TNS1: variants seen among roughly 807,000 people sequenced by gnomAD.
TNS1 encodes tensin-1.
TNS1 carries 62 observed loss-of-function variants against 168.6 expected under a neutral mutation model. The observed-to-expected ratio is 0.37, with a 90% CI of 0.30 to 0.45. The LOEUF (loss-of-function observed/expected upper bound fraction) is 0.45, where lower values mean the gene tolerates loss of function less well. Ranked by LOEUF, TNS1 falls within the 20% of genes least tolerant of loss-of-function variation. The pLI is 1.00. For synonymous variants in TNS1, 934 were observed against 933.2 expected (o/e 1.00, Z -0.02); for missense variants, 2,240 against 2,339.4 (o/e 0.96, Z 0.88).
At chr2:217,838,351 G>A (rs1945452875) in intron 19 of TNS1, among the ~76,000 whole-genome samples, 1 of 152,248 alleles carries the variant, frequency 6.6e-6, no homozygotes, top group Non-Finnish European at 1.5e-5. Context: ...GCCTGCAGCA[G>A]CTTGGGGTGC....
At chr2:217,970,886 T>C (rs1394590222) in intron 3 of TNS1, among the ~76,000 whole-genome samples, 5 of 151,784 alleles carry the variant, frequency 3.3e-5, no homozygotes, top group Admixed American at 2.6e-4. Flanking sequence ...GTATGTGAAT[T>C]AGTTATACCT....
intron 13 of TNS1, 111 bp from the exon 14 acceptor site, chr2:217,886,215 CG>C: frequency 8.5e-7 from 1 of 1,178,198 alleles, no homozygotes; most frequent in Admixed American, 2.0e-5. Context: ...TGGGGGAAGA[CG>C]GGGTAGGAAG....
At chr2:217,991,326 C>A (rs1320058871) in intron 1 of TNS1, among the ~76,000 whole-genome samples, 1 of 152,068 alleles carries the variant, frequency 6.6e-6, no homozygotes, top group African/African-American at 2.4e-5. Context: ...ATGGCTCCTA[C>A]CTTGGCTTTT....
At position 217,802,456 on chromosome 2, in the gene TNS1, C is replaced by T. The variant is rs534436941; in HGVS notation, c.*2003G>A. 1 of 152,400 alleles carries T rather than the reference C, an allele frequency of 6.6e-6. No individual in the cohort carries two copies. The highest frequency in any genetic ancestry group is 2.1e-4 in the South Asian group (1 of 4,824). 9.4% of individuals were successfully genotyped at this position (152,400 alleles called of 1,614,324 possible). A position where few individuals can be genotyped will look rare whatever the true frequency, so the allele number is the denominator to read the frequency against. Reference sequence around the variant, plus strand: ...TGTGTGCCATACACACCCATGTCCCCGCATGCTCACACACTCGCTCAGGCC... The same window carrying T: ...TGTGTGCCATACACACCCATGTCCCTGCATGCTCACACACTCGCTCAGGCC... On this transcript the variant is annotated 3_prime_UTR_variant, in exon 33 of 33. Coordinates refer to ENST00000682258, the MANE Select transcript of TNS1 (RefSeq NM_001387777.1).
intron 1 of TNS1, among the ~76,000 whole-genome samples, chr2:218,022,497 C>A (rs1958814331): frequency 1.3e-5 from 2 of 152,156 alleles, no homozygotes; most frequent in African/African-American, 4.8e-5. Context: ...CGCACGTACA[C>A]ACATACACAC....
intron 13 of TNS1, 101 bp from the exon 14 acceptor site, chr2:217,886,205 TG>T: frequency 7.8e-7 from 1 of 1,275,488 alleles, no homozygotes; most frequent in Non-Finnish European, 1.1e-6. Flanking sequence ...AAGGAAGAAA[TG>T]GGGGAAGACG....
chr2:217,843,233 A>C (rs2125390188), intron 19 of TNS1, among the ~76,000 whole-genome samples: 1 of 152,146 alleles, frequency 6.6e-6, no homozygotes, highest in African/African-American at 2.4e-5. Flanking sequence ...TTTCATGAAG[A>C]GGTATCTCAC....
At chr2:217,957,070 A>G (rs568917651) in intron 3 of TNS1, among the ~76,000 whole-genome samples, 9 of 152,272 alleles carry the variant, frequency 5.9e-5, no homozygotes, top group African/African-American at 2.2e-4. Context: ...GGGCACGAGG[A>G]GTAGGACCAC....
intron 1 of TNS1, among the ~76,000 whole-genome samples, chr2:218,018,048 G>A (rs1164002648): frequency 6.6e-6 from 1 of 152,174 alleles, no homozygotes; most frequent in Non-Finnish European, 1.5e-5. Flanking sequence ...GTAGAATGGA[G>A]GCATATGAAG....
chr2:217,910,764 C>CACA (rs1954308594), intron 4 of TNS1, among the ~76,000 whole-genome samples: 1 of 124,788 alleles, frequency 8.0e-6, no homozygotes, highest in East Asian at 2.7e-4. Context: ...ACACACACAA[C>CACA]CATCCTTGCA....
intron 18 of TNS1, among the ~76,000 whole-genome samples, chr2:217,868,555 G>A (rs1559270076): frequency 6.6e-6 from 1 of 152,236 alleles, no homozygotes; most frequent in Non-Finnish European, 1.5e-5. Context: ...AGTGGTATTA[G>A]CAAAAGTTAA....
intron 3 of TNS1, among the ~76,000 whole-genome samples, chr2:217,977,280 T>C (rs1199638356): frequency 6.6e-6 from 1 of 152,006 alleles, no homozygotes; most frequent in Non-Finnish European, 1.5e-5. Flanking sequence ...GTACTCTCCA[T>C]CCAGGGGAGG....
chr2:217,949,745 A>AG (rs937943691), intron 3 of TNS1, among the ~76,000 whole-genome samples: 55 of 152,260 alleles, frequency 3.6e-4, no homozygotes, highest in African/African-American at 1.2e-3. Context: ...GGAACAAAAA[A>AG]AAAAGAAAAG....
chr2:217,898,039 C>T (rs1952511326), intron 7 of TNS1, 70 bp from the exon 8 acceptor site: 5 of 1,487,680 alleles, frequency 3.4e-6, no homozygotes, highest in East Asian at 2.5e-5. Flanking sequence ...CAGATAGCTG[C>T]ACCCCATACA....
rs1946860157 is a variant in TNS1 at position 217,847,764 on chromosome 2, T to A, written c.2753A>T (p.Tyr918Phe). 1 of 1,607,848 alleles carries A rather than the reference T, an allele frequency of 6.2e-7. No homozygotes were observed. The highest frequency in any genetic ancestry group is 1.3e-5 in the African/African-American group (1 of 74,726). ...SLESVPPGRS[Y>F]SPYDYQPCLA... is the part of the protein sequence containing the mutation. ...ACATGGCTGATAGTCATAAGGTGAG[T>A]AAGACCTGCCAGGAGGGACAGACTC... is the stretch of plus-strand genomic sequence containing the variant. Residue 918 changes from tyrosine to phenylalanine, a missense_variant, in exon 19 of 33, where the codon TAC (tyrosine) becomes TTC (phenylalanine). By Grantham distance (22) the Tyr-to-Phe change is conservative. This residue lies in a region of TNS1 where 2,131 missense variants were observed against 2,171.2 expected (regional missense o/e 0.98). Transcript: ENST00000682258.
chr2:217,980,578 G>T (rs982993707), intron 2 of TNS1, among the ~76,000 whole-genome samples: 1 of 150,624 alleles, frequency 6.6e-6, no homozygotes, highest in Admixed American at 6.6e-5. Context: ...CTTAATAAAC[G>T]TTTGCTGAGT....
At chr2:217,971,319 C>T (rs900614695) in intron 3 of TNS1, among the ~76,000 whole-genome samples, 19 of 152,222 alleles carry the variant, frequency 1.2e-4, no homozygotes, top group African/African-American at 4.6e-4. Flanking sequence ...AAAAGGGAAT[C>T]ACCCAGTATG....
rs76472463 is a variant in TNS1 at position 217,886,026 on chromosome 2, C to T, written c.1040+18G>A. 108 of 1,613,600 alleles carry T rather than the reference C, an allele frequency of 6.7e-5. No homozygotes were observed. Among genetic ancestry groups the T allele is most frequent in the Non-Finnish European group, 8.9e-5 (105 of 1,179,742 alleles). ...GGCCTTGGGCTTCTCTGGCCTCTCA[C>T]GCCCATGTAATACTTACTAGATGCC... is the stretch of plus-strand genomic sequence containing the variant. On this transcript the variant is annotated intron_variant, in intron 14 of 32. Transcript: ENST00000682258.
At chr2:217,886,159 G>A in intron 13 of TNS1, 55 bp from the exon 14 acceptor site, 1 of 1,579,252 alleles carries the variant, frequency 6.3e-7, no homozygotes, top group Non-Finnish European at 8.7e-7. Context: ...AGGCAGGAGG[G>A]GCAGAGGAGA....
Sources: allele counts gnomAD v4.1 joint callset (sites outside exome capture counted in the v4.1 genomes callset), GRCh38; gene constraint gnomAD v4.1.1; regional missense constraint gnomAD v4.1.1; transcripts MANE v1.5; gene names NCBI Gene and HGNC (gene_info 2026-07-23, HGNC 2026-07-21).